The following TENM2 variants were observed in gnomAD, a reference collection of about 807,000 sequenced individuals.
TENM2 encodes the protein teneurin-2.
Under a neutral mutation model 245.2 loss-of-function variants are expected in TENM2, and 52 were observed. The ratio of observed to expected loss-of-function variants is 0.21; its 90% CI spans 0.17 to 0.27. The LOEUF (loss-of-function observed/expected upper bound fraction) is 0.27, where lower values mean the gene tolerates loss of function less well. TENM2 is among the 10% of genes least tolerant of loss of function. The pLI is 1.00. For synonymous variants in TENM2, 1,363 were observed against 1,438.9 expected (o/e 0.95, Z 1.19); for missense variants, 3,046 against 3,666.8 (o/e 0.83, Z 4.37).
chr5:166,997,584 G>A, the TENM2 span, among the ~76,000 whole-genome samples: 8 of 152,142 alleles, frequency 5.3e-5, no homozygotes, highest in African/African-American at 1.2e-4. Context: ...TAACTAAAAC[G>A]TAAAGAATTA....
intron 2 of TENM2, among the ~76,000 whole-genome samples, chr5:167,737,106 A>G (rs2150577075): frequency 6.6e-6 from 1 of 152,296 alleles, no homozygotes; most frequent in South Asian, 2.1e-4. Flanking sequence ...GCTCCCGATC[A>G]TGTCCTATTT....
chr5:167,958,192 T>G (rs1262212175), intron 4 of TENM2, among the ~76,000 whole-genome samples: 2 of 152,204 alleles, frequency 1.3e-5, no homozygotes, highest in African/African-American at 4.8e-5. Flanking sequence ...GATAGTTAGC[T>G]CTTCTTGTTG....
the TENM2 span, among the ~76,000 whole-genome samples, chr5:167,059,946 A>G: frequency 6.6e-6 from 1 of 152,042 alleles, no homozygotes; most frequent in Non-Finnish European, 1.5e-5. Flanking sequence ...CAGGTGATCC[A>G]CCAGTCTCAG....
intron 2 of TENM2, among the ~76,000 whole-genome samples, chr5:167,544,239 G>A (rs1772401934): frequency 6.6e-6 from 1 of 152,154 alleles, no homozygotes; most frequent in Admixed American, 6.5e-5. Context: ...TGATGGTTTA[G>A]TAATCTTCTG....
the TENM2 span, among the ~76,000 whole-genome samples, chr5:167,125,951 G>A: frequency 7.2e-5 from 11 of 152,254 alleles, 1 homozygote; most frequent in South Asian, 2.3e-3. Context: ...GTAGAGTTCT[G>A]GGGATAAAGT....
At chr5:167,521,842 G>A (rs1480314554) in intron 2 of TENM2, among the ~76,000 whole-genome samples, 2 of 152,196 alleles carry the variant, frequency 1.3e-5, no homozygotes, top group South Asian at 2.1e-4. Context: ...TCTGATTACT[G>A]TACAAAAATT....
At chr5:167,678,616 G>GAATCACATT (rs1756495522) in intron 2 of TENM2, among the ~76,000 whole-genome samples, 1 of 152,210 alleles carries the variant, frequency 6.6e-6, no homozygotes, top group East Asian at 1.9e-4. Flanking sequence ...GGGCAAAGAT[G>GAATCACATT]AATCACATTT....
At chr5:167,434,381 C>G (rs556219556) in intron 2 of TENM2, among the ~76,000 whole-genome samples, 1 of 137,622 alleles carries the variant, frequency 7.3e-6, no homozygotes, top group African/African-American at 2.7e-5. Flanking sequence ...CTGCTGCGCT[C>G]CAGCCTGGGC....
the TENM2 span, among the ~76,000 whole-genome samples, chr5:167,143,348 G>A: frequency 2.0e-5 from 3 of 152,140 alleles, no homozygotes; most frequent in Non-Finnish European, 4.4e-5. Context: ...TTCACAATTA[G>A]CAGTAGTGGG....
At chr5:168,209,330 C>T (rs1436320200) in intron 19 of TENM2, among the ~76,000 whole-genome samples, 1 of 152,146 alleles carries the variant, frequency 6.6e-6, no homozygotes, top group East Asian at 1.9e-4. Flanking sequence ...TCATTGATGT[C>T]CTTGTATTAG....
intron 2 of TENM2, among the ~76,000 whole-genome samples, chr5:167,712,386 T>A (rs1455132858): frequency 6.6e-6 from 1 of 152,154 alleles, no homozygotes; most frequent in Non-Finnish European, 1.5e-5. Context: ...AATATGAATA[T>A]GAAAATGTGA....
intron 8 of TENM2, among the ~76,000 whole-genome samples, chr5:168,096,320 T>C (rs1793370567): frequency 6.6e-6 from 1 of 152,178 alleles, no homozygotes. Flanking sequence ...GAATGAGTGA[T>C]GAATTCAAAA....
chr5:168,154,959 C>A (rs906186221), intron 12 of TENM2, among the ~76,000 whole-genome samples: 1 of 152,234 alleles, frequency 6.6e-6, no homozygotes, highest in Non-Finnish European at 1.5e-5. Flanking sequence ...CAGCTGTGGA[C>A]GTGCAGGTTC....
chr5:167,016,295 AAAAAG>A, the TENM2 span, among the ~76,000 whole-genome samples: 1 of 151,106 alleles, frequency 6.6e-6, no homozygotes, highest in African/African-American at 2.4e-5. Context: ...AAAAAAAAAA[AAAAAG>A]AGGGAGAGAG....
In TENM2 at chr5:167,541,525, A is replaced by G. The variant is rs370761651; in HGVS notation, c.502+166052A>G. 3.9e-5 allele frequency among the ~76,000 whole-genome samples: 6 copies of G among 152,310 alleles called. No individual in the cohort carries two copies. In the East Asian group the frequency reaches 5.8e-4, roughly 15 times the overall value. On this transcript the variant is annotated intron_variant, in intron 2 of 28. Transcript: ENST00000518659. ...CTGTTTCAAAGCAGCAGGAATTTTA[A>G]TCAACACACACACACATAAAGAGAG...
chr5:167,464,403 G>A (rs1481492860), intron 2 of TENM2, among the ~76,000 whole-genome samples: 1 of 152,126 alleles, frequency 6.6e-6, no homozygotes, highest in Non-Finnish European at 1.5e-5. Flanking sequence ...TAGCCTCTTT[G>A]TACAGATGAG....
At chr5:167,544,517 G>C (rs1001887794) in intron 2 of TENM2, among the ~76,000 whole-genome samples, 1 of 152,114 alleles carries the variant, frequency 6.6e-6, no homozygotes, top group Non-Finnish European at 1.5e-5. Context: ...GAATTTATCA[G>C]GGGCACTTTT....
chr5:167,520,821 A>G (rs923097963), intron 2 of TENM2, among the ~76,000 whole-genome samples: 6 of 151,046 alleles, frequency 4.0e-5, no homozygotes, highest in Non-Finnish European at 8.8e-5. Context: ...ACTTCTCTCA[A>G]TTGGGCCTTT....
intron 3 of TENM2, among the ~76,000 whole-genome samples, chr5:167,912,614 A>C (rs1776635010): frequency 6.6e-6 from 1 of 152,154 alleles, no homozygotes; most frequent in Admixed American, 6.5e-5. Context: ...GAGCTCCTGA[A>C]GGGAAGGGCA....
Sources: allele counts gnomAD v4.1 joint callset (sites outside exome capture counted in the v4.1 genomes callset), GRCh38; gene constraint gnomAD v4.1.1; transcripts MANE v1.5; gene names NCBI Gene and HGNC (gene_info 2026-07-23, HGNC 2026-07-21).